ASTE1: variants seen among roughly 807,000 people sequenced by gnomAD.
ASTE1 encodes asteroid structure-specific endonuclease 1.
A neutral mutation model predicts 45.8 loss-of-function variants in ASTE1; 49 were observed. The observed-to-expected ratio is 1.07, with a 90% CI of 0.85 to 1.36. The LOEUF is 1.36. Ranked by LOEUF, ASTE1 falls within the 40% of genes most tolerant of loss-of-function variation. ASTE1 has a pLI of 0.00. For synonymous variants in ASTE1, 296 were observed against 303.9 expected (o/e 0.97, Z 0.27); for missense variants, 709 against 804.0 (o/e 0.88, Z 1.43).
chr3:131,016,497 T>A lies in ASTE1; in HGVS notation c.1514-158A>T. On this transcript the variant is annotated intron_variant, in intron 4 of 5. Coordinates refer to ENST00000264992, the MANE Select transcript of ASTE1 (RefSeq NM_014065.4). ...CTTCATAAATGCCTTGCTGTATAAATTGAAATATTGATACTGAACTGTCTT... is the reference window on the plus strand; with the variant it reads ...CTTCATAAATGCCTTGCTGTATAAAATGAAATATTGATACTGAACTGTCTT... 3.8e-6 allele frequency: 3 copies of A among 780,772 alleles called. No homozygotes were observed. In the South Asian group the frequency reaches 5.6e-5, roughly 15 times the overall value. The allele number at this position is 780,772 out of a possible 1,614,324, so 48.4% of individuals were successfully genotyped here.
Sources: allele counts gnomAD v4.1 joint callset, GRCh38; gene constraint gnomAD v4.1.1; transcripts MANE v1.5; gene names NCBI Gene and HGNC (gene_info 2026-07-23, HGNC 2026-07-21).